SPATS2L: variants seen among roughly 807,000 people sequenced by gnomAD.
SPATS2L encodes the protein spermatogenesis associated serine rich 2 like.
SPATS2L carries 30 observed loss-of-function variants against 59.6 expected under a neutral mutation model. The observed-to-expected ratio is 0.50, with a 90% CI of 0.38 to 0.68. The LOEUF is 0.68. Among genes scored for constraint, SPATS2L ranks in the 30% least tolerant of loss-of-function variants. The probability of loss-of-function intolerance (pLI) is 0.00; values close to 1 mark genes in which losing one functional copy is unlikely to be tolerated. For missense variants in SPATS2L, 615 were observed against 700.0 expected (o/e 0.88, Z 1.37); for synonymous variants, 252 against 263.5 (o/e 0.96, Z 0.42).
intron 8 of SPATS2L, among the ~76,000 whole-genome samples, chr2:200,457,223 TACACACACACACACAC>T (rs4035249): frequency 1.4e-5 from 2 of 148,012 alleles, no homozygotes; most frequent in African/African-American, 5.0e-5. Flanking sequence ...AAAACATACA[TACACACACACACACAC>T]ACACACACAC....
chr2:200,440,817 T>C (rs1421794077), intron 8 of SPATS2L, 33 bp downstream of exon 8: 1 of 1,609,092 alleles, frequency 6.2e-7, no homozygotes, highest in South Asian at 1.1e-5. Context: ...CATAAATTTG[T>C]GATGCTTGAG....
chr2:200,433,913 A>G (rs192993976), intron 6 of SPATS2L, among the ~76,000 whole-genome samples: 2 of 152,208 alleles, frequency 1.3e-5, no homozygotes, highest in African/African-American at 4.8e-5. Context: ...TTCAGAAAAT[A>G]GAAAGAAGGA....
At chr2:200,306,450 A>C, upstream of SPATS2L, 1 of 1,002,194 alleles carries the variant, frequency 1.0e-6, no homozygotes, top group Non-Finnish European at 1.2e-6. Flanking sequence ...TCTTCTAGAA[A>C]GTGGGGTGGG....
chr2:200,338,911 TGAAA>T (rs1043439821), intron 2 of SPATS2L, among the ~76,000 whole-genome samples: 11 of 152,138 alleles, frequency 7.2e-5, no homozygotes, highest in Non-Finnish European at 2.9e-5. Flanking sequence ...TCATCAAAGC[TGAAA>T]GAAAGAAAGA....
chr2:200,376,550 ATGAC>A (rs1253600465), intron 2 of SPATS2L, among the ~76,000 whole-genome samples: 6 of 152,204 alleles, frequency 3.9e-5, no homozygotes, highest in Non-Finnish European at 7.3e-5. Context: ...TTTCTATGTT[ATGAC>A]TGTTTGTTGT....
intron 3 of SPATS2L, among the ~76,000 whole-genome samples, chr2:200,411,331 T>C (rs1194248544): frequency 6.6e-6 from 1 of 152,232 alleles, no homozygotes; most frequent in Non-Finnish European, 1.5e-5. Context: ...ACACATACCA[T>C]ACCCATTTAA....
At chr2:200,470,229 G>A (rs1269521551) in intron 11 of SPATS2L, among the ~76,000 whole-genome samples, 2 of 152,126 alleles carry the variant, frequency 1.3e-5, no homozygotes, top group Non-Finnish European at 2.9e-5. Flanking sequence ...AATTCCCCAG[G>A]ATTTATTAAG....
chr2:200,382,827 T>C (rs1443057579), intron 2 of SPATS2L, among the ~76,000 whole-genome samples: 1 of 152,192 alleles, frequency 6.6e-6, no homozygotes, highest in Non-Finnish European at 1.5e-5. Context: ...ACGTTATAAG[T>C]TCTCCAGAAG....
intron 10 of SPATS2L, 133 bp from the exon 11 acceptor site, chr2:200,469,781 C>A (rs2086886711): frequency 4.6e-6 from 3 of 658,552 alleles, no homozygotes; most frequent in Middle Eastern, 2.8e-4. Context: ...AGCCTCCCAG[C>A]AACAGGGCTG....
chr2:200,420,597 TATC>T (rs530931415), intron 6 of SPATS2L, among the ~76,000 whole-genome samples: 18 of 152,350 alleles, frequency 1.2e-4, no homozygotes, highest in African/African-American at 4.3e-4. Context: ...TCAGCTCTAA[TATC>T]ATGGCTGCTG....
At position 200,458,365 on chromosome 2, in the gene SPATS2L, T is replaced by C. The variant is rs1038730898; in HGVS notation, c.789-1404T>C. On this transcript the variant is annotated intron_variant, in intron 8 of 12. Coordinates refer to ENST00000409140, the MANE Select transcript of SPATS2L (RefSeq NM_001100423.2). ...GATGTAGAAATTTGATTAAATTCAG[T>C]CTCATTTTTTTTCAGGTGGAGTAGT... Among the ~76,000 whole-genome samples, 3 of 152,182 alleles carry C rather than the reference T, an allele frequency of 2.0e-5. No individual in the cohort carries two copies. The East Asian group carries it at 5.8e-4, about 29-fold the overall frequency.
chr2:200,457,313 CAGG>C (rs547146089), intron 8 of SPATS2L, among the ~76,000 whole-genome samples: 114 of 152,254 alleles, frequency 7.5e-4, no homozygotes, highest in African/African-American at 2.6e-3. Flanking sequence ...CTCATAATCA[CAGG>C]AGCACAAAGC....
intron 2 of SPATS2L, among the ~76,000 whole-genome samples, chr2:200,374,029 A>C (rs1014218084): frequency 1.3e-5 from 2 of 152,216 alleles, no homozygotes; most frequent in African/African-American, 2.4e-5. Flanking sequence ...AACAGAACAA[A>C]TGTAAACCAC....
Position 200,366,988 on chromosome 2 carries a change from G to A in SPATS2L, c.-22-22235G>A, listed in dbSNP as rs150357831. Among the ~76,000 whole-genome samples, 351 of 152,152 alleles carry A rather than the reference G, an allele frequency of 2.3e-3. 3 individuals are homozygous for A. Among genetic ancestry groups the A allele is most frequent in the African/African-American group, 8.1e-3 (338 of 41,512 alleles). On this transcript the variant is annotated intron_variant, in intron 2 of 12. Transcript: ENST00000409140. ...TCCAAAATTTGCTCAACATTTGCTGGTGACTGTCACTAATCGAAGACTCAA... is the reference window on the plus strand; with the variant it reads ...TCCAAAATTTGCTCAACATTTGCTGATGACTGTCACTAATCGAAGACTCAA...
At chr2:200,389,305 G>T in intron 3 of SPATS2L, 22 bp downstream of exon 3, 2 of 1,546,832 alleles carry the variant, frequency 1.3e-6, no homozygotes, top group Non-Finnish European at 1.8e-6. Flanking sequence ...TTATACGTTG[G>T]CTCACAGAAA....
At chr2:200,430,715 C>CTTT (rs1179889614) in intron 6 of SPATS2L, among the ~76,000 whole-genome samples, 13 of 127,260 alleles carry the variant, frequency 1.0e-4, no homozygotes, top group African/African-American at 2.4e-4. Context: ...GAATTGTTTC[C>CTTT]TTTTTTTTTT....
At position 200,439,339 on chromosome 2, in the gene SPATS2L, T is replaced by C. The variant is rs757314274; in HGVS notation, c.652+11T>C. ...TGGCAAAGAAAAGAGGTAAAGTGAT[T>C]TCTTTTGCACAAATGATTCAACATA... is the stretch of plus-strand genomic sequence containing the variant. On this transcript the variant is annotated intron_variant, in intron 7 of 12. Coordinates refer to ENST00000409140, the MANE Select transcript of SPATS2L (RefSeq NM_001100423.2). The C allele has an allele frequency of 2.3e-5, 37 of 1,603,944 alleles. No homozygotes were observed. The highest frequency in any genetic ancestry group is 3.0e-5 in the Non-Finnish European group (35 of 1,171,364).
rs151100935 is a variant in SPATS2L at position 200,371,069 on chromosome 2, T to C, written c.-22-18154T>C. Among the ~76,000 whole-genome samples, 3 of 152,274 alleles carry C rather than the reference T, an allele frequency of 2.0e-5. No individual in the cohort carries two copies. The East Asian group carries it at 5.8e-4, about 29-fold the overall frequency. On this transcript the variant is annotated intron_variant, in intron 2 of 12. Transcript: ENST00000409140. ...AAATCTTGGGGGTTTTAATTGATTG[T>C]CGGCTCATTATGATCAGTGTATACC...
intron 2 of SPATS2L, among the ~76,000 whole-genome samples, chr2:200,359,005 TAC>T (rs2081011455): frequency 6.8e-6 from 1 of 146,118 alleles, no homozygotes; most frequent in Non-Finnish European, 1.5e-5. Flanking sequence ...AAAAAAAAAA[TAC>T]ACACACACAC....
Sources: allele counts gnomAD v4.1 joint callset (sites outside exome capture counted in the v4.1 genomes callset), GRCh38; gene constraint gnomAD v4.1.1; transcripts MANE v1.5; gene names NCBI Gene and HGNC (gene_info 2026-07-23, HGNC 2026-07-21).